The following SLC2A13 variants were observed in gnomAD, a reference collection of about 807,000 sequenced individuals.
The protein encoded by SLC2A13 is solute carrier family 2 member 13, also known as proton myo-inositol cotransporter.
Under a neutral mutation model 64.4 loss-of-function variants are expected in SLC2A13, and 32 were observed. That is an observed-to-expected ratio of 0.50 (90% CI 0.37 to 0.67). SLC2A13 has a LOEUF of 0.67. SLC2A13 is among the 30% of genes least tolerant of loss of function. SLC2A13 has a pLI of 0.00. For synonymous variants in SLC2A13, 338 were observed against 327.1 expected (o/e 1.03, Z -0.36); for missense variants, 743 against 829.2 (o/e 0.90, Z 1.28).
intron 3 of SLC2A13, among the ~76,000 whole-genome samples, chr12:40,016,348 G>GA (rs1463417589): frequency 6.6e-6 from 1 of 152,156 alleles, no homozygotes; most frequent in Admixed American, 6.6e-5. Context: ...AGCTGTTTCA[G>GA]AAAGTAAAAT....
At chr12:39,830,044 A>C in intron 7 of SLC2A13, 59 bp downstream of exon 7, 1 of 1,607,408 alleles carries the variant, frequency 6.2e-7, no homozygotes, top group Non-Finnish European at 8.5e-7. Flanking sequence ...TGAAAACTTA[A>C]ACATAAGCCT....
intron 2 of SLC2A13, among the ~76,000 whole-genome samples, chr12:40,035,223 G>A (rs1292698481): frequency 1.3e-5 from 2 of 152,086 alleles, no homozygotes; most frequent in African/African-American, 2.4e-5. Context: ...AATGGTCATC[G>A]TTATTGATCA....
At chr12:39,859,018 A>C (rs1402301616) in intron 6 of SLC2A13, among the ~76,000 whole-genome samples, 2 of 152,194 alleles carry the variant, frequency 1.3e-5, no homozygotes, top group Admixed American at 6.5e-5. Flanking sequence ...CAAAAGGAGA[A>C]GAAAAGGCAG....
At chr12:39,769,758 A>G (rs73102528) in intron 7 of SLC2A13, among the ~76,000 whole-genome samples, 12 of 151,474 alleles carry the variant, frequency 7.9e-5, no homozygotes, top group African/African-American at 1.9e-4. Context: ...CAAATGTTCA[A>G]CTCCTCTCAT....
At chr12:39,998,664 G>C (rs545563916) in intron 3 of SLC2A13, among the ~76,000 whole-genome samples, 2 of 152,296 alleles carry the variant, frequency 1.3e-5, no homozygotes, top group African/African-American at 2.4e-5. Context: ...ACTTGCTTTT[G>C]ATTTTACAGG....
intron 1 of SLC2A13, among the ~76,000 whole-genome samples, chr12:40,073,220 C>T (rs528951050): frequency 3.1e-5 from 2 of 63,928 alleles, no homozygotes; most frequent in East Asian, 6.2e-4. Flanking sequence ...TAAACATATA[C>T]ACACACACAT....
chr12:39,922,130 C>CA (rs1359818414), intron 4 of SLC2A13, among the ~76,000 whole-genome samples: 2 of 152,016 alleles, frequency 1.3e-5, no homozygotes, highest in African/African-American at 2.4e-5. Flanking sequence ...TAAAAAAACC[C>CA]AAAAAACCAT....
chr12:39,840,929 T>C (rs1943162656), intron 6 of SLC2A13, among the ~76,000 whole-genome samples: 1 of 152,096 alleles, frequency 6.6e-6, no homozygotes. Context: ...TAGTTCCCTT[T>C]CTCTGTAGTT....
chr12:39,765,528 C>T (rs989024884), intron 7 of SLC2A13, among the ~76,000 whole-genome samples: 12 of 152,044 alleles, frequency 7.9e-5, no homozygotes, highest in South Asian at 6.2e-4. Flanking sequence ...CATTCCTATC[C>T]CCTATTGTCA....
chr12:39,780,878 G>A (rs779449984), intron 7 of SLC2A13, among the ~76,000 whole-genome samples: 1 of 152,170 alleles, frequency 6.6e-6, no homozygotes, highest in African/African-American at 2.4e-5. Flanking sequence ...GCTGCTTAGA[G>A]TATGAAAATA....
intron 4 of SLC2A13, among the ~76,000 whole-genome samples, chr12:39,910,038 T>TA (rs900429114): frequency 1.3e-5 from 2 of 152,052 alleles, no homozygotes; most frequent in Non-Finnish European, 2.9e-5. Context: ...GAAGGGTCCT[T>TA]AGATACATTA....
intron 1 of SLC2A13, among the ~76,000 whole-genome samples, chr12:40,076,817 G>A (rs1412251717): frequency 2.0e-5 from 3 of 151,716 alleles, no homozygotes; most frequent in East Asian, 1.9e-4. Flanking sequence ...CATGTTTTTC[G>A]TATGCTTTTT....
chr12:39,770,603 G>T (rs7310917), intron 7 of SLC2A13, among the ~76,000 whole-genome samples: 148,056 of 152,266 alleles, frequency 0.97, 71,982 homozygotes, highest in East Asian at 1. Context: ...TGGGCTGTTG[G>T]GAACATTAAA....
chr12:39,947,658 C>CT (rs35298500), intron 4 of SLC2A13, among the ~76,000 whole-genome samples: 4,486 of 122,160 alleles, frequency 0.037, 216 homozygotes, highest in African/African-American at 0.11. Flanking sequence ...GTGAGAATTT[C>CT]TTTTTTTTTT....
chr12:39,766,804 C>T (rs1055975016), intron 7 of SLC2A13, among the ~76,000 whole-genome samples: 2 of 152,084 alleles, frequency 1.3e-5, no homozygotes, highest in Admixed American at 1.3e-4. Flanking sequence ...GAAACAACTC[C>T]TTATCCGTTC....
At chr12:39,948,363 C>A (rs1946174473) in intron 4 of SLC2A13, among the ~76,000 whole-genome samples, 2 of 151,896 alleles carry the variant, frequency 1.3e-5, no homozygotes, top group Non-Finnish European at 2.9e-5. Flanking sequence ...ATATGATATA[C>A]TGTCTATAGA....
At chr12:40,101,961 C>A (rs1241240117) in intron 1 of SLC2A13, among the ~76,000 whole-genome samples, 2 of 151,896 alleles carry the variant, frequency 1.3e-5, no homozygotes, top group East Asian at 3.9e-4. Context: ...TCCACCAGGT[C>A]TCGAACATAC....
At chr12:40,035,303 CAA>C (rs1213995592) in intron 2 of SLC2A13, among the ~76,000 whole-genome samples, 1 of 152,110 alleles carries the variant, frequency 6.6e-6, no homozygotes, top group African/African-American at 2.4e-5. Flanking sequence ...CTACTTAATG[CAA>C]AAGTTTTAGA....
At chr12:39,919,656 G>T (rs1222640885) in intron 4 of SLC2A13, among the ~76,000 whole-genome samples, 2 of 151,972 alleles carry the variant, frequency 1.3e-5, no homozygotes, top group Non-Finnish European at 2.9e-5. Context: ...AAGGTTCAAA[G>T]GGCTTGGATG....
Sources: allele counts gnomAD v4.1 joint callset (sites outside exome capture counted in the v4.1 genomes callset), GRCh38; gene constraint gnomAD v4.1.1; transcripts MANE v1.5; gene names NCBI Gene and HGNC (gene_info 2026-07-23, HGNC 2026-07-21).